Variants in TSPAN9 observed in about 807,000 individuals in gnomAD.
The protein encoded by TSPAN9 is tetraspanin 9.
In TSPAN9, 16 loss-of-function variants were observed where a neutral mutation model predicts 31.0. The ratio of observed to expected loss-of-function variants is 0.52; its 90% CI spans 0.35 to 0.78. The LOEUF (loss-of-function observed/expected upper bound fraction) is 0.78. Ranked by LOEUF, TSPAN9 falls within the 30% of genes least tolerant of loss-of-function variation. TSPAN9 has a pLI of 0.01. For synonymous variants in TSPAN9, 145 were observed against 121.6 expected (o/e 1.19, Z -1.27); for missense variants, 272 against 312.5 (o/e 0.87, Z 0.98).
intron 2 of TSPAN9, among the ~76,000 whole-genome samples, chr12:3,104,515 G>A (rs1404277100): frequency 6.6e-6 from 1 of 152,046 alleles, no homozygotes; most frequent in East Asian, 1.9e-4. Context: ...ACCACGCCTG[G>A]TTAATTTTTG....
chr12:3,176,402 G>A (rs753263132), intron 2 of TSPAN9, among the ~76,000 whole-genome samples: 7 of 152,342 alleles, frequency 4.6e-5, no homozygotes, highest in South Asian at 2.1e-4. Context: ...GGAACCACGC[G>A]GCTGTGTGCA....
chr12:3,283,168 G>A lies in TSPAN9; in HGVS notation c.*52G>A, dbSNP rs1469524508. 8.8e-6 allele frequency: 14 copies of A among 1,587,346 alleles called. No homozygotes were observed. Among genetic ancestry groups the A allele is most frequent in the Non-Finnish European group, 1.2e-5 (14 of 1,167,654 alleles). On this transcript the variant is annotated 3_prime_UTR_variant, in exon 9 of 9. Coordinates refer to ENST00000011898, the MANE Select transcript of TSPAN9 (RefSeq NM_006675.5). Reference sequence around the variant, plus strand: ...GCCCTGCTGCCCTGTGGAGGGAAGAGGATTGAGCTTTGTGTCACCTGCCTG... The same window carrying A: ...GCCCTGCTGCCCTGTGGAGGGAAGAAGATTGAGCTTTGTGTCACCTGCCTG...
intron 3 of TSPAN9, chr12:3,206,466 C>T: frequency 2.4e-6 from 1 of 411,610 alleles, no homozygotes; most frequent in Non-Finnish European, 5.1e-6. Flanking sequence ...ACCCAGAGCC[C>T]TGGTGGCCTG....
intron 2 of TSPAN9, among the ~76,000 whole-genome samples, chr12:3,142,676 C>T (rs2098335426): frequency 1.3e-5 from 2 of 152,192 alleles, no homozygotes; most frequent in Admixed American, 1.3e-4. Context: ...TGCCCCGCAT[C>T]CCTGCCCCCG....
chr12:3,213,410 T>C (rs1219820281), intron 3 of TSPAN9, among the ~76,000 whole-genome samples: 1 of 145,706 alleles, frequency 6.9e-6, no homozygotes, highest in Admixed American at 6.9e-5. Context: ...GTCAGGCCGA[T>C]AAGCCTGGGC....
intron 2 of TSPAN9, among the ~76,000 whole-genome samples, chr12:3,116,747 G>A (rs138787942): frequency 6.6e-6 from 1 of 152,300 alleles, no homozygotes; most frequent in Non-Finnish European, 1.5e-5. Flanking sequence ...GTCAGAGCCC[G>A]GGAGCGCGCG....
At chr12:3,235,106 G>A (rs113814894) in intron 3 of TSPAN9, among the ~76,000 whole-genome samples, 2,084 of 133,114 alleles carry the variant, frequency 0.016, 56 homozygotes, top group African/African-American at 0.055. Flanking sequence ...GATGGAGCTT[G>A]CAGTGAGCGG....
chr12:3,263,942 G>C (rs4766084), intron 3 of TSPAN9, among the ~76,000 whole-genome samples: 59,112 of 151,848 alleles, frequency 0.39, 13,466 homozygotes, highest in South Asian at 0.59. Context: ...AGGTGGAGGT[G>C]TGGAAGGTGC....
chr12:3,146,650 A>C (rs537536557), intron 2 of TSPAN9, among the ~76,000 whole-genome samples: 6 of 150,974 alleles, frequency 4.0e-5, no homozygotes, highest in African/African-American at 1.5e-4. Flanking sequence ...TGCTGCCTCC[A>C]CTCTCCTCCT....
chr12:3,082,817 C>T (rs541398339), intron 1 of TSPAN9, among the ~76,000 whole-genome samples: 5 of 152,134 alleles, frequency 3.3e-5, no homozygotes, highest in Middle Eastern at 3.2e-3. Flanking sequence ...GGCATTGTTT[C>T]GTCAACTAGA....
At chr12:3,221,022 G>A (rs1294580784) in intron 3 of TSPAN9, among the ~76,000 whole-genome samples, 2 of 152,152 alleles carry the variant, frequency 1.3e-5, no homozygotes, top group African/African-American at 4.8e-5. Flanking sequence ...TCAGCATCAG[G>A]CTGAACTTTT....
chr12:3,111,970 TA>T (rs1407669844), intron 2 of TSPAN9, among the ~76,000 whole-genome samples: 1 of 152,170 alleles, frequency 6.6e-6, no homozygotes, highest in Non-Finnish European at 1.5e-5. Flanking sequence ...GGCTGAGCTG[TA>T]AAGAGGTAAT....
Position 3,200,900 on chromosome 12 carries a change from C to A in TSPAN9, c.-17-277C>A, listed in dbSNP as rs978003449. The A allele has an allele frequency of 4.2e-5, 15 of 354,210 alleles. No homozygotes were observed. The East Asian group carries it at 7.9e-4, about 19-fold the overall frequency. 21.9% of individuals were successfully genotyped at this position (354,210 alleles called of 1,614,324 possible). A position where few individuals can be genotyped will look rare whatever the true frequency, so the allele number is the denominator to read the frequency against. On this transcript the variant is annotated intron_variant, in intron 2 of 8. Coordinates refer to ENST00000011898, the MANE Select transcript of TSPAN9 (RefSeq NM_006675.5). ...GGAGCGATGCCCCCCGCTCCTCGCA[C>A]CCCCCGGGAACGCCGCGAGCATGGA...
intron 2 of TSPAN9, among the ~76,000 whole-genome samples, chr12:3,144,925 G>A (rs1341751148): frequency 6.6e-5 from 10 of 152,334 alleles, no homozygotes; most frequent in African/African-American, 2.4e-4. Context: ...TATTCCCCCA[G>A]ACCTTTATGT....
Position 3,201,114 on chromosome 12 carries a change from A to G in TSPAN9, c.-17-63A>G, listed in dbSNP as rs576331986. ...GCCGGCGTTAAGACCGACAAGTGCA[A>G]TGCACCCAAAGGCAGCAAGTACGTG... On this transcript the variant is annotated intron_variant, in intron 2 of 8. Transcript: ENST00000011898. 3.5e-5 allele frequency: 51 copies of G among 1,442,412 alleles called. No homozygotes were observed. The East Asian group carries it at 5.3e-4, about 15-fold the overall frequency. The allele number at this position is 1,442,412 out of a possible 1,614,324, so 89.4% of individuals were successfully genotyped here.
intron 2 of TSPAN9, among the ~76,000 whole-genome samples, chr12:3,089,497 G>A (rs56001229): frequency 8.4e-4 from 128 of 151,798 alleles, no homozygotes; most frequent in East Asian, 1.4e-3. Flanking sequence ...GGGTTTTACC[G>A]TGTTGGCCAG....
At chr12:3,232,894 T>C (rs2098391523) in intron 3 of TSPAN9, among the ~76,000 whole-genome samples, 2 of 152,228 alleles carry the variant, frequency 1.3e-5, no homozygotes, top group Admixed American at 1.3e-4. Context: ...TTGCTGGGCC[T>C]GGATCTGTTT....
At chr12:3,139,022 C>T (rs911667187) in intron 2 of TSPAN9, among the ~76,000 whole-genome samples, 17 of 152,114 alleles carry the variant, frequency 1.1e-4, no homozygotes, top group Admixed American at 1.1e-3. Context: ...TTTCTCTGGG[C>T]CTGCTCCCCC....
intron 2 of TSPAN9, among the ~76,000 whole-genome samples, chr12:3,135,343 C>T (rs556951352): frequency 1.3e-5 from 2 of 152,296 alleles, no homozygotes; most frequent in African/African-American, 2.4e-5. Flanking sequence ...GTCTTGGCCT[C>T]CCAAAGTGCT....
Sources: allele counts gnomAD v4.1 joint callset (sites outside exome capture counted in the v4.1 genomes callset), GRCh38; gene constraint gnomAD v4.1.1; transcripts MANE v1.5; gene names NCBI Gene and HGNC (gene_info 2026-07-23, HGNC 2026-07-21).